Variants in NRXN3 observed in about 807,000 individuals in gnomAD.
The protein encoded by NRXN3 is neurexin 3, also known as neurexin III.
Under a neutral mutation model 137.6 loss-of-function variants are expected in NRXN3, and 32 were observed. The ratio of observed to expected loss-of-function variants is 0.23; its 90% confidence interval spans 0.18 to 0.31. The LOEUF (loss-of-function observed/expected upper bound fraction) is 0.31. Among genes scored for constraint, NRXN3 ranks in the 10% least tolerant of loss-of-function variants. NRXN3 has a pLI of 1.00. For missense variants in NRXN3, 1,574 were observed against 2,062.5 expected (o/e 0.76, Z 4.59); for synonymous variants, 798 against 784.5 (o/e 1.02, Z -0.29).
chr14:78,958,211 C>G (rs2099400596), intron 11 of NRXN3, among the ~76,000 whole-genome samples: 1 of 151,966 alleles, frequency 6.6e-6, no homozygotes, highest in Non-Finnish European at 1.5e-5. Context: ...GAGAGAATTA[C>G]CCATTTGGGC....
At chr14:79,212,251 G>A (rs1310821110) in intron 15 of NRXN3, among the ~76,000 whole-genome samples, 1 of 152,146 alleles carries the variant, frequency 6.6e-6, no homozygotes, top group East Asian at 1.9e-4. Context: ...CACCTGCTAT[G>A]GGCAATAACC....
At chr14:79,050,674 A>G (rs767304116) in intron 15 of NRXN3, among the ~76,000 whole-genome samples, 33 of 152,188 alleles carry the variant, frequency 2.2e-4, no homozygotes, top group Non-Finnish European at 4.6e-4. Flanking sequence ...TTTGCCATTG[A>G]CTTAATTGAA....
chr14:79,199,847 A>T (rs968058058), intron 15 of NRXN3: 1 of 152,254 alleles, frequency 6.6e-6, no homozygotes, highest in Non-Finnish European at 1.5e-5. Context: ...TTCAAATGGC[A>T]GATGACTGTG....
At chr14:79,545,148 A>G (rs1181302643) in intron 16 of NRXN3, among the ~76,000 whole-genome samples, 2 of 152,084 alleles carry the variant, frequency 1.3e-5, no homozygotes, top group African/African-American at 2.4e-5. Context: ...TTAGCTTTCT[A>G]TTGCTGCTAT....
intron 20 of NRXN3, among the ~76,000 whole-genome samples, chr14:79,845,699 A>C (rs1377032560): frequency 7.8e-6 from 1 of 128,158 alleles, no homozygotes; most frequent in Non-Finnish European, 1.6e-5. Flanking sequence ...GGAGACGGGG[A>C]GAGAGACGGA....
chr14:78,910,258 T>C (rs2099233189), intron 10 of NRXN3, among the ~76,000 whole-genome samples: 1 of 152,068 alleles, frequency 6.6e-6, no homozygotes, highest in Non-Finnish European at 1.5e-5. Context: ...ATACTCTGCC[T>C]CCACCTCTCA....
chr14:78,454,715 C>T (rs2094641895), intron 4 of NRXN3, among the ~76,000 whole-genome samples: 1 of 152,130 alleles, frequency 6.6e-6, no homozygotes, highest in African/African-American at 2.4e-5. Flanking sequence ...TCAGGGCAGT[C>T]ATTAGAGAAC....
chr14:78,968,830 C>G (rs1040387734), intron 14 of NRXN3, among the ~76,000 whole-genome samples: 5 of 152,136 alleles, frequency 3.3e-5, no homozygotes, highest in African/African-American at 1.2e-4. Flanking sequence ...GTCCAAATGC[C>G]ATGATGATGG....
chr14:79,651,042 T>A (rs1197233383), intron 16 of NRXN3, among the ~76,000 whole-genome samples: 6 of 152,206 alleles, frequency 3.9e-5, no homozygotes, highest in African/African-American at 1.2e-4. Context: ...AAAGTTGTAT[T>A]TAATGGGAAT....
intron 15 of NRXN3, among the ~76,000 whole-genome samples, chr14:79,220,208 G>T (rs184543570): frequency 2.0e-5 from 3 of 152,246 alleles, no homozygotes; most frequent in Admixed American, 6.5e-5. Context: ...TCATCCTTCA[G>T]CACTTGAAAG....
At chr14:78,391,524 G>A (rs1034582932) in intron 4 of NRXN3, among the ~76,000 whole-genome samples, 3 of 151,998 alleles carry the variant, frequency 2.0e-5, no homozygotes, top group Non-Finnish European at 4.4e-5. Flanking sequence ...TTTTATGACA[G>A]TTTTGGAACT....
Position 78,803,830 on chromosome 14 carries a change from T to A in NRXN3, c.2248+7T>A. 1 of 1,611,546 alleles carries A rather than the reference T, an allele frequency of 6.2e-7. No homozygotes were observed. The highest frequency in any genetic ancestry group is 8.5e-7 in the Non-Finnish European group (1 of 1,179,172). ...AAGCTCATGGTTAACTTAGGTATCG[T>A]ATGAAGTACCCTCTGCCACTTCGTT... On this transcript the variant is annotated splice_region_variant and intron_variant, in intron 9 of 20. Coordinates refer to ENST00000335750, the MANE Select transcript of NRXN3 (RefSeq NM_001330195.2).
intron 16 of NRXN3, among the ~76,000 whole-genome samples, chr14:79,615,683 AG>A (rs1256568011): frequency 6.6e-6 from 1 of 152,082 alleles, no homozygotes; most frequent in Non-Finnish European, 1.5e-5. Context: ...TGCAGAGTGA[AG>A]GGGGGAAAAG....
chr14:78,968,466 G>A (rs992846190), intron 14 of NRXN3, 120 bp downstream of exon 14: 16 of 817,796 alleles, frequency 2.0e-5, no homozygotes, highest in African/African-American at 8.5e-5. Context: ...CATTTGCCAC[G>A]TGACATTGCA....
chr14:79,342,969 G>A (rs2092687516), intron 15 of NRXN3, among the ~76,000 whole-genome samples: 1 of 152,104 alleles, frequency 6.6e-6, no homozygotes, highest in African/African-American at 2.4e-5. Context: ...GTAGGGGCTT[G>A]GGAAGTGGGG....
chr14:78,614,339 T>C (rs1009058490), intron 4 of NRXN3, among the ~76,000 whole-genome samples: 1 of 152,130 alleles, frequency 6.6e-6, no homozygotes, highest in Non-Finnish European at 1.5e-5. Flanking sequence ...AAAACAAAAT[T>C]GGCTGTTTAC....
In NRXN3 at chr14:78,727,731, C is replaced by T. The variant is rs78641905; in HGVS notation, c.2044+12592C>T. On this transcript the variant is annotated intron_variant, in intron 8 of 20. Coordinates refer to ENST00000335750, the MANE Select transcript of NRXN3 (RefSeq NM_001330195.2). The stretch of plus-strand genomic sequence containing the variant: ...GCCTGGGCAACAAGAGCGAAAACTC[C>T]GTCTCAAAAAAAAATGCTGTGGGCC... Among the ~76,000 whole-genome samples the T allele has an allele frequency of 0.011, 1,631 of 151,900 alleles. 84 individuals are homozygous for T. In the East Asian group the frequency reaches 0.17, roughly 16 times the overall value.
intron 3 of NRXN3, chr14:78,279,640 A>G (rs185370867): frequency 1.3e-5 from 2 of 152,156 alleles, no homozygotes; most frequent in Non-Finnish European, 1.5e-5. Context: ...GCCCACGATC[A>G]TAGAGCTTGT....
chr14:78,349,245 G>A (rs1472132551), intron 4 of NRXN3, among the ~76,000 whole-genome samples: 1 of 152,240 alleles, frequency 6.6e-6, no homozygotes, highest in Non-Finnish European at 1.5e-5. Flanking sequence ...GAGCTCTGGT[G>A]CAGGGGCAAG....
Sources: allele counts gnomAD v4.1 joint callset (sites outside exome capture counted in the v4.1 genomes callset), GRCh38; gene constraint gnomAD v4.1.1; transcripts MANE v1.5; gene names NCBI Gene and HGNC (gene_info 2026-07-23, HGNC 2026-07-21).